The following NTRK2 variants were observed in gnomAD, a reference collection of about 807,000 sequenced individuals.
The protein encoded by NTRK2 is neurotrophic receptor tyrosine kinase 2.
NTRK2 carries 13 observed loss-of-function variants against 94.5 expected under a neutral mutation model. The observed-to-expected ratio is 0.14, with a 90% CI of 0.09 to 0.22. NTRK2 has a LOEUF of 0.22. Among genes scored for constraint, NTRK2 ranks in the 10% least tolerant of loss-of-function variants. The probability of loss-of-function intolerance (pLI) is 1.00; values close to 1 mark genes in which losing one functional copy is unlikely to be tolerated. For missense variants in NTRK2, 639 were observed against 1,071.2 expected (o/e 0.60, Z 5.63); for synonymous variants, 372 against 407.4 (o/e 0.91, Z 1.05).
chr9:84,671,688 C>T (rs1041578734), intron 2 of NTRK2, among the ~76,000 whole-genome samples: 8 of 152,214 alleles, frequency 5.3e-5, no homozygotes, highest in African/African-American at 1.9e-4. Context: ...AATAATTTCC[C>T]AGGACTAGGT....
At chr9:84,721,237 G>A (rs530819421) in intron 6 of NTRK2, among the ~76,000 whole-genome samples, 6 of 151,118 alleles carry the variant, frequency 4.0e-5, no homozygotes, top group South Asian at 2.1e-4. Flanking sequence ...GTGCAATGGC[G>A]CGAGCTTGGC....
chr9:84,759,075 A>G (rs772040538), intron 12 of NTRK2, among the ~76,000 whole-genome samples: 14 of 152,252 alleles, frequency 9.2e-5, no homozygotes, highest in Non-Finnish European at 1.6e-4. Context: ...GTCAATATCA[A>G]CCAAGTCCTC....
chr9:84,975,162 A>T (rs1826670514), intron 17 of NTRK2, among the ~76,000 whole-genome samples: 1 of 152,102 alleles, frequency 6.6e-6, no homozygotes, highest in African/African-American at 2.4e-5. Context: ...TCCTTTGAGG[A>T]GTGGACAGCA....
chr9:84,805,735 G>A (rs976814525), intron 12 of NTRK2, among the ~76,000 whole-genome samples: 2 of 152,186 alleles, frequency 1.3e-5, no homozygotes, highest in African/African-American at 4.8e-5. Flanking sequence ...GGGTCATGAG[G>A]CCTCTGCCCT....
intron 14 of NTRK2, among the ~76,000 whole-genome samples, chr9:84,899,761 A>T (rs560928567): frequency 1.3e-4 from 20 of 152,224 alleles, no homozygotes; most frequent in Non-Finnish European, 2.8e-4. Context: ...GAGTCAGAAC[A>T]GAGACAAGAG....
Position 85,026,185 on chromosome 9 carries a change from G to A in NTRK2, c.*4748G>A, listed in dbSNP as rs923122981. On this transcript the variant is annotated 3_prime_UTR_variant, in exon 19 of 19. Transcript: ENST00000277120. ...ATATGTGTTGTAGGCAAAACACTGT[G>A]AATTTCACAACAACCACCACCAAGC... The A allele has an allele frequency of 4.4e-6, 1 of 228,056 alleles. No homozygotes were observed. The highest frequency in any genetic ancestry group is 2.2e-5 in the African/African-American group (1 of 44,984). 14.1% of individuals were successfully genotyped at this position (228,056 alleles called of 1,614,324 possible).
intron 11 of NTRK2, among the ~76,000 whole-genome samples, chr9:84,748,720 T>C (rs1384431133): frequency 6.6e-6 from 1 of 152,216 alleles, no homozygotes; most frequent in Non-Finnish European, 1.5e-5. Context: ...TATTTAGGTA[T>C]TCTCCATCTA....
At chr9:84,671,777 G>C (rs2058713602) in intron 2 of NTRK2, among the ~76,000 whole-genome samples, 1 of 152,206 alleles carries the variant, frequency 6.6e-6, no homozygotes. Flanking sequence ...AAATGTTTGA[G>C]CTTGTTGTGG....
At chr9:85,011,722 A>G (rs1330411000) in intron 17 of NTRK2, among the ~76,000 whole-genome samples, 2 of 152,196 alleles carry the variant, frequency 1.3e-5, no homozygotes, top group African/African-American at 4.8e-5. Flanking sequence ...TTCCTGTGGC[A>G]GCCCAAGCTG....
chr9:84,724,941 T>A (rs1200220804), intron 8 of NTRK2, among the ~76,000 whole-genome samples: 1 of 152,242 alleles, frequency 6.6e-6, no homozygotes, highest in Non-Finnish European at 1.5e-5. Context: ...AAGATATCCC[T>A]CTTTTTAATT....
intron 12 of NTRK2, chr9:84,811,306 A>G: frequency 9.4e-7 from 1 of 1,066,290 alleles, no homozygotes; most frequent in Non-Finnish European, 1.1e-6. Flanking sequence ...CAAACAAATG[A>G]AAAACGTTTA....
chr9:84,964,336 C>A (rs1348989801), intron 17 of NTRK2, among the ~76,000 whole-genome samples: 1 of 152,222 alleles, frequency 6.6e-6, no homozygotes, highest in African/African-American at 2.4e-5. Context: ...GCAAGATCCT[C>A]CTGTGTACTC....
rs1468236166 is a variant in NTRK2 at position 84,874,188 on chromosome 9, C to T, written c.1633+6757C>T. On this transcript the variant is annotated intron_variant, in intron 14 of 18. Transcript: ENST00000277120. Reference sequence around the variant, plus strand: ...TTGCATGTGCTAGTAGATTGTGGACCAGGACCAGCTGAGCAAACACAGTTG... The same window carrying T: ...TTGCATGTGCTAGTAGATTGTGGACTAGGACCAGCTGAGCAAACACAGTTG... 8 of 1,065,008 alleles carry T rather than the reference C, an allele frequency of 7.5e-6. No homozygotes were observed. The African/African-American group carries it at 9.8e-5, about 13-fold the overall frequency. 66.0% of individuals were successfully genotyped at this position (1,065,008 alleles called of 1,614,324 possible).
intron 2 of NTRK2, among the ~76,000 whole-genome samples, chr9:84,693,126 T>C (rs972777631): frequency 7.2e-5 from 11 of 152,198 alleles, no homozygotes; most frequent in African/African-American, 2.7e-4. Context: ...CAATCTCAAA[T>C]GTTAGTGACT....
At chr9:84,942,723 TGAGA>T (rs2078454110) in intron 15 of NTRK2, among the ~76,000 whole-genome samples, 1 of 152,128 alleles carries the variant, frequency 6.6e-6, no homozygotes, top group African/African-American at 2.4e-5. Flanking sequence ...AAAATATTAA[TGAGA>T]GAGTTTATAT....
intron 6 of NTRK2, among the ~76,000 whole-genome samples, chr9:84,712,030 G>A (rs2061444427): frequency 6.6e-6 from 1 of 152,174 alleles, no homozygotes; most frequent in Admixed American, 6.5e-5. Flanking sequence ...ACTGCTGAGA[G>A]AAATTGCCTA....
At chr9:84,878,290 G>A (rs571892062) in intron 14 of NTRK2, among the ~76,000 whole-genome samples, 47 of 152,164 alleles carry the variant, frequency 3.1e-4, no homozygotes, top group African/African-American at 1.1e-3. Context: ...AGTGTAAGGT[G>A]AGTGAGCTTA....
intron 14 of NTRK2, among the ~76,000 whole-genome samples, chr9:84,883,274 A>T (rs751351393): frequency 6.6e-6 from 1 of 152,164 alleles, no homozygotes; most frequent in Non-Finnish European, 1.5e-5. Flanking sequence ...GGGTAAGGTG[A>T]CGTGAGGTGG....
chr9:84,737,768 G>A (rs1186700407), intron 9 of NTRK2, among the ~76,000 whole-genome samples: 3 of 147,980 alleles, frequency 2.0e-5, no homozygotes, highest in Admixed American at 6.6e-5. Flanking sequence ...GTATCCAATA[G>A]GCAGTTTTTC....
Sources: allele counts gnomAD v4.1 joint callset (sites outside exome capture counted in the v4.1 genomes callset), GRCh38; gene constraint gnomAD v4.1.1; transcripts MANE v1.5; gene names NCBI Gene and HGNC (gene_info 2026-07-23, HGNC 2026-07-21).